Variants in STOX1 observed in about 807,000 individuals in gnomAD.
STOX1 encodes storkhead box 1, also known as storkhead-box protein 1.
In STOX1, 57 loss-of-function variants were observed where a neutral mutation model predicts 74.8. The observed-to-expected ratio is 0.76, with a 90% CI of 0.62 to 0.95. STOX1 has a LOEUF of 0.95. STOX1 is among the 40% of genes least tolerant of loss of function. The probability of loss-of-function intolerance (pLI) is 0.00; values close to 1 mark genes in which losing one functional copy is unlikely to be tolerated. For missense variants in STOX1, 1,010 were observed against 1,117.0 expected, an observed-to-expected ratio of 0.90 and a Z score of 1.37; for synonymous variants, 375 against 401.3, an observed-to-expected ratio of 0.93 and a Z score of 0.78.
At chr10:68,856,787 TTCCAC>T (rs1840136324) in intron 1 of STOX1, among the ~76,000 whole-genome samples, 1 of 152,104 alleles carries the variant, frequency 6.6e-6, no homozygotes, top group Non-Finnish European at 1.5e-5. Context: ...ACTTCTCTCG[TTCCAC>T]CTAAAGCTCA....
rs774022095 is a variant in STOX1, at chr10:68,884,586, G to A, written c.790G>A (p.Val264Met). 1.2e-6 allele frequency: 2 copies of A among 1,613,872 alleles called. No homozygotes were observed. The highest frequency in any genetic ancestry group is 1.7e-6 in the Non-Finnish European group (2 of 1,180,042). ...DVQEAPVAAEVTRKSHRGLGE... is the reference protein window; with the variant it reads ...DVQEAPVAAEMTRKSHRGLGE... ...TCAGGAAGCACCAGTTGCTGCAGAAGTGACTAGGAAGAGTCACAGAGGTCT... is the reference window on the plus strand; with the variant it reads ...TCAGGAAGCACCAGTTGCTGCAGAAATGACTAGGAAGAGTCACAGAGGTCT... Residue 264 changes from valine to methionine, a missense_variant, in exon 3 of 4, where the codon GTG becomes ATG. Physicochemically the swap from Val to Met is conservative, Grantham distance 21. Coordinates refer to ENST00000298596, the MANE Select transcript of STOX1 (RefSeq NM_152709.5).
intron 1 of STOX1, among the ~76,000 whole-genome samples, chr10:68,842,615 A>G (rs897075812): frequency 9.0e-5 from 12 of 133,746 alleles, no homozygotes; most frequent in African/African-American, 2.3e-4. Flanking sequence ...ATCTCGGTTC[A>G]CTGCAACCTC....
intron 1 of STOX1, among the ~76,000 whole-genome samples, chr10:68,838,485 C>A (rs1164453483): frequency 5.3e-5 from 8 of 152,096 alleles, no homozygotes; most frequent in African/African-American, 1.9e-4. Flanking sequence ...TGTGTGGCAT[C>A]TTTAGGGTTT....
chr10:68,893,298 C>T (rs1268498001), downstream of STOX1, among the ~76,000 whole-genome samples: 1 of 152,178 alleles, frequency 6.6e-6, no homozygotes, highest in Non-Finnish European at 1.5e-5. Context: ...CATTGCTGCC[C>T]AGGGGCTTCT....
rs774057052 is a variant in STOX1 at position 68,892,721 on chromosome 10, A to G, written c.2955A>G (p.Pro985=). The G allele has an allele frequency of 9.3e-6, 15 of 1,613,884 alleles. No individual in the cohort carries two copies. The highest frequency in any genetic ancestry group is 3.3e-5 in the South Asian group (3 of 91,054). The change falls in exon 4 of 4, where the codon CCA becomes CCG. Residue 985 remains proline (P), a synonymous_variant. Coordinates refer to ENST00000298596, the MANE Select transcript of STOX1 (RefSeq NM_152709.5). ...LTSNSLLPLT[P]VINV The stretch of plus-strand genomic sequence containing the variant: ...CTAATTCCTTACTACCGCTAACTCC[A>G]GTCATAAACGTTTAATTTTCTTTTG...
chr10:68,861,800 C>G (rs1840274694), intron 1 of STOX1, among the ~76,000 whole-genome samples: 1 of 152,102 alleles, frequency 6.6e-6, no homozygotes, highest in African/African-American at 2.4e-5. Context: ...GTCAGGTGTT[C>G]CTGGGATGCT....
In STOX1 at chr10:68,885,070, A is replaced by G; in HGVS notation, c.1274A>G (p.Gln425Arg). ...RQGLSAKPQG[Q>R]GHSRRDRHKA... Reference sequence around the variant, plus strand: ...GGTCTGTCTGCAAAACCTCAAGGGCAGGGCCATTCTCGAAGGGATAGACAC... The same window carrying G: ...GGTCTGTCTGCAAAACCTCAAGGGCGGGGCCATTCTCGAAGGGATAGACAC... Residue 425 changes from glutamine (Q) to arginine (R), a missense_variant, in exon 3 of 4, where the codon CAG becomes CGG. Physicochemically the swap from Gln to Arg is conservative, Grantham distance 43. Coordinates refer to ENST00000298596, the MANE Select transcript of STOX1 (RefSeq NM_152709.5). The G allele has an allele frequency of 6.2e-7, 1 of 1,614,052 alleles. No homozygotes were observed.
At chr10:68,883,240 AT>A (rs1230761481) in intron 2 of STOX1, among the ~76,000 whole-genome samples, 1 of 131,598 alleles carries the variant, frequency 7.6e-6, no homozygotes, top group African/African-American at 2.8e-5. Context: ...AAAAAAAAAA[AT>A]TAGGCACGGT....
intron 1 of STOX1, among the ~76,000 whole-genome samples, chr10:68,839,890 AAAC>A (rs918436607): frequency 6.6e-6 from 1 of 152,180 alleles, no homozygotes; most frequent in African/African-American, 2.4e-5. Flanking sequence ...AAACAAAACA[AAAC>A]AAAACAAAAA....
intron 1 of STOX1, among the ~76,000 whole-genome samples, chr10:68,848,048 GTCTTC>G (rs987440963): frequency 6.6e-6 from 1 of 152,254 alleles, no homozygotes; most frequent in East Asian, 1.9e-4. Flanking sequence ...GTATTTTTAA[GTCTTC>G]TCTTCTCCTG....
intron 1 of STOX1, among the ~76,000 whole-genome samples, chr10:68,855,763 AC>A (rs1231050293): frequency 2.7e-4 from 40 of 149,082 alleles, no homozygotes; most frequent in African/African-American, 9.7e-4. Flanking sequence ...GAAAAAAAAA[AC>A]AAAAAAAGAC....
intron 3 of STOX1, among the ~76,000 whole-genome samples, chr10:68,889,427 G>T (rs2132005031): frequency 6.6e-6 from 1 of 152,274 alleles, no homozygotes; most frequent in South Asian, 2.1e-4. Flanking sequence ...CCAGTTGTGG[G>T]ATTGCAGGCA....
chr10:68,836,569 C>T (rs1344123254), intron 1 of STOX1, among the ~76,000 whole-genome samples: 1 of 152,192 alleles, frequency 6.6e-6, no homozygotes, highest in Non-Finnish European at 1.5e-5. Context: ...GTGTGTTGTC[C>T]TGTGCCTCAG....
intron 1 of STOX1, among the ~76,000 whole-genome samples, chr10:68,868,859 A>T (rs566741664): frequency 1.3e-5 from 2 of 152,200 alleles, no homozygotes; most frequent in South Asian, 2.1e-4. Context: ...ACACGTGTCA[A>T]ATCTATTCCA....
At chr10:68,855,439 C>G (rs1049214123) in intron 1 of STOX1, among the ~76,000 whole-genome samples, 6 of 148,758 alleles carry the variant, frequency 4.0e-5, no homozygotes, top group Admixed American at 4.0e-4. Context: ...TTTTTTAACT[C>G]TTAAAGACTT....
chr10:68,886,499 CCA>C lies in STOX1; in HGVS notation c.2704_2705del (p.Gln902ThrfsTer17). Reference sequence around the variant, plus strand: ...TGAGAAAACATTTCCCACAAAAGTTCCAACTTTTCAACACTTCACATATGCCA... The same window carrying C: ...TGAGAAAACATTTCCCACAAAAGTTCACTTTTCAACACTTCACATATGCCA... ...EMRKHFPQKF[Q>X]LFNTSHMPVL... On this transcript the variant is annotated frameshift_variant, in exon 3 of 4. Coordinates refer to ENST00000298596, the MANE Select transcript of STOX1 (RefSeq NM_152709.5). LOFTEE classifies it high-confidence loss of function. 1 of 1,613,942 alleles carries C rather than the reference CCA, an allele frequency of 6.2e-7. No homozygotes were observed. Among genetic ancestry groups the C allele is most frequent in the Non-Finnish European group, 8.5e-7 (1 of 1,179,932 alleles).
At chr10:68,873,351 C>T (rs1564583140) in intron 1 of STOX1, among the ~76,000 whole-genome samples, 4 of 149,950 alleles carry the variant, frequency 2.7e-5, no homozygotes, top group South Asian at 4.2e-4. Flanking sequence ...AGCTCCGCCT[C>T]CCGGGTTCAC....
At chr10:68,852,824 A>G (rs1840023559) in intron 1 of STOX1, among the ~76,000 whole-genome samples, 1 of 151,086 alleles carries the variant, frequency 6.6e-6, no homozygotes. Flanking sequence ...TGTTAGGTTC[A>G]TTTTGTATTG....
intron 1 of STOX1, among the ~76,000 whole-genome samples, chr10:68,861,218 C>A (rs993524505): frequency 6.6e-6 from 1 of 152,088 alleles, no homozygotes; most frequent in African/African-American, 2.4e-5. Context: ...GAGCCTCAAA[C>A]AGAGTTTGAC....
Sources: gnomAD v4.1 joint callset for allele counts (sites outside exome capture counted in the v4.1 genomes callset) on GRCh38, gnomAD v4.1.1 for gene constraint, MANE v1.5 for transcripts, NCBI Gene and HGNC (gene_info 2026-07-23, HGNC 2026-07-21) for gene names.